The following PHAF1 variants were observed in gnomAD, a reference collection of about 807,000 sequenced individuals.
PHAF1 encodes the protein phagophore assembly factor 1, also known as phagosome assembly factor 1.
PHAF1 carries 23 observed loss-of-function variants against 63.1 expected under a neutral mutation model. That is an observed-to-expected ratio of 0.36 (90% CI 0.26 to 0.52). The LOEUF (loss-of-function observed/expected upper bound fraction) is 0.52, where lower values mean the gene tolerates loss of function less well. Ranked by LOEUF, PHAF1 falls within the 20% of genes least tolerant of loss-of-function variation. PHAF1 has a pLI of 0.93. For synonymous variants in PHAF1, 167 were observed against 185.0 expected, an observed-to-expected ratio of 0.90 and a Z score of 0.79; for missense variants, 427 against 517.2, an observed-to-expected ratio of 0.83 and a Z score of 1.69.
chr16:67,145,005 GT>G, intron 12 of PHAF1, 128 bp downstream of exon 12: 1 of 1,205,694 alleles, frequency 8.3e-7, no homozygotes. Flanking sequence ...TTCCTCTGGG[GT>G]GGGCTCATTG....
rs545753189 is a variant in PHAF1 at position 67,114,561 on chromosome 16, A to G, written c.64+4322A>G. 6.6e-5 allele frequency among the ~76,000 whole-genome samples: 10 copies of G among 150,702 alleles called. No individual in the cohort carries two copies. In the East Asian group the frequency reaches 1.9e-3, roughly 29 times the overall value. On this transcript the variant is annotated intron_variant, in intron 1 of 15. Transcript: ENST00000219139. The stretch of plus-strand genomic sequence containing the variant: ...TGGAAATCTTCCAGTCGAATGAAAG[A>G]AGAAAAAAAAAAAAAACCACAGGAG...
intron 8 of PHAF1, 57 bp from the exon 9 acceptor site, chr16:67,139,927 G>GAGAGGGTCA: frequency 6.2e-7 from 1 of 1,605,584 alleles, no homozygotes; most frequent in Non-Finnish European, 8.5e-7. Flanking sequence ...GGGGCCCCCA[G>GAGAGGGTCA]AGAGGGTCTC....
chr16:67,117,727 TCC>T, intron 1 of PHAF1, among the ~76,000 whole-genome samples: 1 of 147,066 alleles, frequency 6.8e-6, no homozygotes, highest in Non-Finnish European at 1.5e-5. Flanking sequence ...ACCATTGCAC[TCC>T]AGCCTGGACA....
Position 67,134,242 on chromosome 16 carries a change from T to C in PHAF1, c.525T>C (p.Ser175=). The part of the protein sequence containing the change: ...GATVKRMYIY[S]GNSLQDTKAP... ...CTGTAAAACGAATGTACATCTACAGTGGCAACAGCCTGCAGGATACCAAGT... is the reference window on the plus strand; with the variant it reads ...CTGTAAAACGAATGTACATCTACAGCGGCAACAGCCTGCAGGATACCAAGT... Residue 175 remains serine, a synonymous_variant, in exon 7 of 16, where the codon AGT becomes AGC. Transcript: ENST00000219139. 1.9e-6 allele frequency: 3 copies of C among 1,614,040 alleles called. No homozygotes were observed. The highest frequency in any genetic ancestry group is 2.5e-6 in the Non-Finnish European group (3 of 1,179,894).
At chr16:67,136,559 T>C (rs932106073) in intron 8 of PHAF1, among the ~76,000 whole-genome samples, 10 of 141,966 alleles carry the variant, frequency 7.0e-5, no homozygotes, top group African/African-American at 2.8e-4. Context: ...GATTCCTTTT[T>C]TTTTTTTTTT....
intron 6 of PHAF1, 93 bp downstream of exon 6, chr16:67,133,004 T>G: frequency 3.0e-6 from 3 of 1,014,280 alleles, no homozygotes; most frequent in African/African-American, 1.6e-5. Context: ...GAGTGGGTAT[T>G]AGATAGGCAG....
intron 1 of PHAF1, among the ~76,000 whole-genome samples, chr16:67,112,732 G>A (rs944731866): frequency 1.3e-5 from 2 of 152,272 alleles, no homozygotes; most frequent in Middle Eastern, 3.4e-3. Context: ...AAAACAGTGA[G>A]AAGGGCATTT....
chr16:67,137,112 G>A (rs1399292302), intron 8 of PHAF1, among the ~76,000 whole-genome samples: 1 of 150,744 alleles, frequency 6.6e-6, no homozygotes, highest in Non-Finnish European at 1.5e-5. Context: ...CCGAGATAGC[G>A]CCACCGCGCT....
chr16:67,135,525 T>C (rs1189777178), intron 8 of PHAF1: 1 of 152,254 alleles, frequency 6.6e-6, no homozygotes, highest in Non-Finnish European at 1.5e-5. Context: ...TCATCCAGGC[T>C]GTAGTGCAGT....
In PHAF1 at chr16:67,147,407, C is replaced by T. The variant is rs529240759; in HGVS notation, c.*276C>T. On this transcript the variant is annotated 3_prime_UTR_variant, in exon 16 of 16. Transcript: ENST00000219139. ...CTTGATTCCTGGACCCAGGAGCTCT[C>T]AACTAACAAGGAGGCAGGAGAGGTC... is the stretch of plus-strand genomic sequence containing the variant. The T allele has an allele frequency of 7.8e-5, 36 of 459,848 alleles. No individual in the cohort carries two copies. Among genetic ancestry groups the T allele is most frequent in the Non-Finnish European group, 1.2e-4 (31 of 256,702 alleles). 28.5% of individuals were successfully genotyped at this position (459,848 alleles called of 1,614,324 possible).
chr16:67,145,613 C>T lies in PHAF1; in HGVS notation c.1094C>T (p.Pro365Leu). 6.2e-7 allele frequency: 1 copy of T among 1,613,986 alleles called. No individual in the cohort carries two copies. The highest frequency in any genetic ancestry group is 8.5e-7 in the Non-Finnish European group (1 of 1,179,956). ...QELLGHPVEK[P>L]VVLHRSSSPN... Reference sequence around the variant, plus strand: ...CTCCTGGGCCACCCTGTGGAGAAGCCTGTTGTCCTGCACAGGTGAGTGGGA... The same window carrying T: ...CTCCTGGGCCACCCTGTGGAGAAGCTTGTTGTCCTGCACAGGTGAGTGGGA... The change falls in exon 14 of 16, where the codon CCT becomes CTT. Residue 365 changes from proline to leucine, a missense_variant. Physicochemically the swap from Pro to Leu is moderately conservative, Grantham distance 98. Transcript: ENST00000219139.
intron 1 of PHAF1, among the ~76,000 whole-genome samples, chr16:67,118,141 T>C (rs917181762): frequency 2.1e-5 from 3 of 144,164 alleles, no homozygotes; most frequent in Non-Finnish European, 4.6e-5. Flanking sequence ...TTTTTTTTTT[T>C]TTTTTTCTTT....
intron 3 of PHAF1, among the ~76,000 whole-genome samples, chr16:67,128,175 T>G (rs947426505): frequency 6.6e-6 from 1 of 152,180 alleles, no homozygotes; most frequent in African/African-American, 2.4e-5. Context: ...GATGCCAGGC[T>G]TTTAACTGGA....
chr16:67,117,291 C>G (rs545899772), intron 1 of PHAF1, among the ~76,000 whole-genome samples: 1 of 148,052 alleles, frequency 6.8e-6, no homozygotes, highest in Non-Finnish European at 1.5e-5. Context: ...CCTCGTGATC[C>G]GCCTGCCTCG....
At position 67,131,189 on chromosome 16, in the gene PHAF1, T is replaced by TG. The variant is rs1000920355; in HGVS notation, c.232-97_232-96insG. 1.1e-4 allele frequency: 57 copies of TG among 504,380 alleles called. 1 individual carries two copies. The highest frequency in any genetic ancestry group is 1.5e-4 in the Non-Finnish European group (46 of 314,482). 31.2% of individuals were successfully genotyped at this position (504,380 alleles called of 1,614,324 possible). On this transcript the variant is annotated intron_variant, in intron 3 of 15. Coordinates refer to ENST00000219139, the MANE Select transcript of PHAF1 (RefSeq NM_025187.5). Reference sequence around the variant, plus strand: ...ATTTCTATTGGTAATAGTTTTTTTTTTTTTTTTTTTTACTATTTATTCTAT... The same window carrying TG: ...ATTTCTATTGGTAATAGTTTTTTTTTGTTTTTTTTTTTACTATTTATTCTAT...
chr16:67,140,697 T>A, intron 10 of PHAF1, 103 bp downstream of exon 10: 1 of 933,106 alleles, frequency 1.1e-6, no homozygotes, highest in Admixed American at 2.0e-5. Context: ...TGCCTGGACA[T>A]TGGGGAACCT....
intron 1 of PHAF1, among the ~76,000 whole-genome samples, chr16:67,113,323 G>GCAA (rs1313724541): frequency 6.6e-6 from 1 of 152,132 alleles, no homozygotes; most frequent in Non-Finnish European, 1.5e-5. Flanking sequence ...GGAAATGCGA[G>GCAA]CAACACAGGG....
At chr16:67,137,526 C>T (rs1340467838) in intron 8 of PHAF1, among the ~76,000 whole-genome samples, 2 of 152,102 alleles carry the variant, frequency 1.3e-5, no homozygotes, top group Non-Finnish European at 2.9e-5. Context: ...ACCATATTGA[C>T]CAGGCTGGTC....
intron 3 of PHAF1, among the ~76,000 whole-genome samples, chr16:67,130,803 C>G (rs1386147096): frequency 7.2e-5 from 11 of 152,282 alleles, no homozygotes; most frequent in Non-Finnish European, 2.9e-5. Flanking sequence ...TGTGCTCCAG[C>G]CTGACCCAGA....
Sources: allele counts gnomAD v4.1 joint callset (sites outside exome capture counted in the v4.1 genomes callset), GRCh38; gene constraint gnomAD v4.1.1; transcripts MANE v1.5; gene names NCBI Gene and HGNC (gene_info 2026-07-23, HGNC 2026-07-21).